MYRIP: variants seen among roughly 807,000 people sequenced by gnomAD.
MYRIP encodes myosin VIIA and Rab interacting protein.
MYRIP carries 49 observed loss-of-function variants against 98.0 expected under a neutral mutation model. The observed-to-expected ratio is 0.50, with a 90% CI of 0.40 to 0.63. MYRIP has a LOEUF of 0.63. MYRIP is among the 30% of genes least tolerant of loss of function. The pLI, the probability that MYRIP is intolerant of heterozygous loss-of-function variation, is 0.00. For synonymous variants in MYRIP, 404 were observed against 409.5 expected (o/e 0.99, Z 0.16); for missense variants, 1,004 against 1,058.2 (o/e 0.95, Z 0.71).
At chr3:39,935,635 T>C (rs1381720918) in intron 2 of MYRIP, among the ~76,000 whole-genome samples, 1 of 152,106 alleles carries the variant, frequency 6.6e-6, no homozygotes, top group Non-Finnish European at 1.5e-5. Flanking sequence ...AGTAGAAACA[T>C]CATGAAAATA....
chr3:39,872,438 T>G lies in MYRIP; in HGVS notation c.-30-28349T>G, dbSNP rs375182040. Among the ~76,000 whole-genome samples, 5 of 152,000 alleles carry G rather than the reference T, an allele frequency of 3.3e-5. No individual in the cohort carries two copies. The East Asian group carries it at 7.7e-4, about 24-fold the overall frequency. On this transcript the variant is annotated intron_variant, in intron 1 of 16. Transcript: ENST00000302541. ...TGCCATGTTGGTATGCTGCACCCATTAACTCGTCATTTAGCATTAGTTATA... is the reference window on the plus strand; with the variant it reads ...TGCCATGTTGGTATGCTGCACCCATGAACTCGTCATTTAGCATTAGTTATA...
At chr3:40,095,698 CT>C (rs1948813690) in intron 3 of MYRIP, among the ~76,000 whole-genome samples, 1 of 152,110 alleles carries the variant, frequency 6.6e-6, no homozygotes, top group Non-Finnish European at 1.5e-5. Context: ...TCACACACAT[CT>C]GCACACTCAC....
intron 2 of MYRIP, among the ~76,000 whole-genome samples, chr3:39,919,035 C>T (rs555099235): frequency 6.6e-6 from 1 of 152,364 alleles, no homozygotes; most frequent in African/African-American, 2.4e-5. Context: ...CCACAAAAGA[C>T]AGCTTTTTAG....
At chr3:39,977,010 C>T (rs543719729) in intron 2 of MYRIP, among the ~76,000 whole-genome samples, 114 of 151,884 alleles carry the variant, frequency 7.5e-4, no homozygotes, top group Non-Finnish European at 1.1e-3. Context: ...CTAACCTGCA[C>T]GTTGTGCACA....
In MYRIP at chr3:40,151,063, A is replaced by G. The variant is rs111363654; in HGVS notation, c.348A>G (p.Gln116=). 6.9e-5 allele frequency: 110 copies of G among 1,592,008 alleles called. 2 individuals carry two copies. The highest frequency in any genetic ancestry group is 3.8e-4 in the African/African-American group (28 of 74,410). The change falls in exon 4 of 17, where the codon CAA becomes CAG. Residue 116 remains glutamine, a synonymous_variant. Transcript: ENST00000302541. ...VCQQARLLRA[Q]SLEWFYNNVK... ...TTTTCCTCAGGCTTCTGAGGGCCCA[A>G]TCTCTGGAATGGTTCTACAATAATG... is the stretch of plus-strand genomic sequence containing the variant.
intron 1 of MYRIP, among the ~76,000 whole-genome samples, chr3:39,846,842 G>T (rs1941979263): frequency 6.6e-6 from 1 of 152,164 alleles, no homozygotes; most frequent in Admixed American, 6.5e-5. Context: ...AGCAGCTTGA[G>T]ACCCAGGAGA....
chr3:40,185,836 G>A (rs1951019962), intron 9 of MYRIP, among the ~76,000 whole-genome samples: 1 of 152,104 alleles, frequency 6.6e-6, no homozygotes, highest in Non-Finnish European at 1.5e-5. Flanking sequence ...CCCAGGAGAA[G>A]CTGTAGACAG....
At chr3:39,989,758 C>A (rs1946125594) in intron 2 of MYRIP, among the ~76,000 whole-genome samples, 1 of 152,192 alleles carries the variant, frequency 6.6e-6, no homozygotes, top group Admixed American at 6.5e-5. Flanking sequence ...CTTGATGGGT[C>A]AAGGTCAGGC....
At chr3:39,825,778 G>A (rs188791096) in intron 1 of MYRIP, among the ~76,000 whole-genome samples, 232 of 152,156 alleles carry the variant, frequency 1.5e-3, no homozygotes, top group Non-Finnish European at 2.4e-3. Context: ...TTAACAGTTT[G>A]GTAGAATTTA....
intron 4 of MYRIP, among the ~76,000 whole-genome samples, chr3:40,160,140 C>G (rs1460796224): frequency 8.5e-5 from 13 of 152,176 alleles, no homozygotes; most frequent in African/African-American, 3.1e-4. Context: ...TACTTTTGGT[C>G]TTTGATGATG....
At chr3:39,885,363 TC>T (rs1943265921) in intron 1 of MYRIP, among the ~76,000 whole-genome samples, 1 of 152,100 alleles carries the variant, frequency 6.6e-6, no homozygotes, top group Non-Finnish European at 1.5e-5. Flanking sequence ...TGCCGAGAGA[TC>T]CGCTGTTAGT....
chr3:40,122,275 A>C (rs1201489916), intron 3 of MYRIP, among the ~76,000 whole-genome samples: 2 of 151,910 alleles, frequency 1.3e-5, no homozygotes, highest in Non-Finnish European at 2.9e-5. Context: ...ATTGCATGAG[A>C]GTATCAATTA....
chr3:39,825,980 T>C (rs1399352143), intron 1 of MYRIP, among the ~76,000 whole-genome samples: 1 of 152,142 alleles, frequency 6.6e-6, no homozygotes, highest in Non-Finnish European at 1.5e-5. Context: ...TAGTTGTTTA[T>C]AATAGTCTCT....
At chr3:39,875,947 T>C (rs1227503596) in intron 1 of MYRIP, among the ~76,000 whole-genome samples, 1 of 151,920 alleles carries the variant, frequency 6.6e-6, no homozygotes, top group Admixed American at 6.6e-5. Flanking sequence ...GGGGTGTTAA[T>C]GTCTCCCATT....
At chr3:40,026,555 G>C (rs1947134452) in intron 2 of MYRIP, among the ~76,000 whole-genome samples, 1 of 152,132 alleles carries the variant, frequency 6.6e-6, no homozygotes, top group African/African-American at 2.4e-5. Context: ...AGTATTATTA[G>C]AGAAGTGATA....
chr3:39,862,411 A>G (rs1400903556), intron 1 of MYRIP, among the ~76,000 whole-genome samples: 2 of 152,234 alleles, frequency 1.3e-5, no homozygotes, highest in Non-Finnish European at 2.9e-5. Context: ...CAGTCACACT[A>G]TAAGCAACCA....
At position 39,947,527 on chromosome 3, in the gene MYRIP, C is replaced by T. The variant is rs1009968690; in HGVS notation, c.110+46601C>T. ...CTGGTACAAAGAAGATTAACATTTA[C>T]AAGAGAAAGCTAGTCTAAATTCTTG... On this transcript the variant is annotated intron_variant, in intron 2 of 16. Coordinates refer to ENST00000302541, the MANE Select transcript of MYRIP (RefSeq NM_015460.4). 2.0e-5 allele frequency among the ~76,000 whole-genome samples: 3 copies of T among 152,098 alleles called. No homozygotes were observed. The East Asian group carries it at 5.8e-4, about 29-fold the overall frequency.
intron 2 of MYRIP, among the ~76,000 whole-genome samples, chr3:39,924,555 C>T (rs1190466008): frequency 6.6e-6 from 1 of 152,148 alleles, no homozygotes; most frequent in African/African-American, 2.4e-5. Context: ...AACAACCTCT[C>T]CCAACAACCG....
intron 10 of MYRIP, among the ~76,000 whole-genome samples, chr3:40,194,637 T>A (rs1296708852): frequency 1.3e-5 from 2 of 152,174 alleles, no homozygotes; most frequent in East Asian, 3.8e-4. Flanking sequence ...TGGAATTGCG[T>A]TAAATGTATG....
Sources: allele counts gnomAD v4.1 joint callset (sites outside exome capture counted in the v4.1 genomes callset), GRCh38; gene constraint gnomAD v4.1.1; transcripts MANE v1.5; gene names NCBI Gene and HGNC (gene_info 2026-07-23, HGNC 2026-07-21).